OSBPL2: variants seen among roughly 807,000 people sequenced by gnomAD.
OSBPL2 encodes the protein oxysterol binding protein like 2.
In OSBPL2, 18 loss-of-function variants were observed where a neutral mutation model predicts 58.4. That is an observed-to-expected ratio of 0.31 (90% CI 0.21 to 0.46). The LOEUF (loss-of-function observed/expected upper bound fraction) is 0.46. Among genes scored for constraint, OSBPL2 ranks in the 20% least tolerant of loss-of-function variants. The pLI is 1.00. For synonymous variants in OSBPL2, 221 were observed against 234.1 expected (o/e 0.94, Z 0.51); for missense variants, 461 against 616.5 (o/e 0.75, Z 2.67).
chr20:62,280,095 C>G, intron 7 of OSBPL2: 17 of 1,304,142 alleles, frequency 1.3e-5, no homozygotes, highest in Non-Finnish European at 1.5e-5. Context: ...CGGATGCTGG[C>G]GTCCTCCTGG....
At position 62,262,548 on chromosome 20, in the gene OSBPL2, G is replaced by A. The variant is rs1189287138; in HGVS notation, c.183-1068G>A. On this transcript the variant is annotated intron_variant, in intron 3 of 13. Transcript: ENST00000313733. Reference sequence around the variant, plus strand: ...GGACGATGGCGGAGCAGAGCTGGGTGCTGGCTTCCGGCAGCCCGGGCCTGG... The same window carrying A: ...GGACGATGGCGGAGCAGAGCTGGGTACTGGCTTCCGGCAGCCCGGGCCTGG... Among the ~76,000 whole-genome samples the A allele has an allele frequency of 2.0e-5, 3 of 152,362 alleles. No individual in the cohort carries two copies. The East Asian group carries it at 5.8e-4, about 29-fold the overall frequency.
intron 9 of OSBPL2, among the ~76,000 whole-genome samples, chr20:62,283,029 C>T (rs948412767): frequency 6.6e-6 from 1 of 152,256 alleles, no homozygotes; most frequent in South Asian, 2.1e-4. Flanking sequence ...CTTGACACCT[C>T]TCCCCCTTGG....
At chr20:62,240,130 G>C (rs1979623965) in intron 1 of OSBPL2, among the ~76,000 whole-genome samples, 1 of 152,156 alleles carries the variant, frequency 6.6e-6, no homozygotes, top group Non-Finnish European at 1.5e-5. Context: ...TAGGATTCCA[G>C]GTGCGAGCCA....
intron 4 of OSBPL2, among the ~76,000 whole-genome samples, chr20:62,268,998 G>A (rs1051783185): frequency 5.9e-5 from 9 of 151,760 alleles, no homozygotes; most frequent in Admixed American, 5.3e-4. Flanking sequence ...CGGAGAGGTT[G>A]CACTGAGCCG....
In OSBPL2 at chr20:62,279,272, A is replaced by G. The variant is rs750883021; in HGVS notation, c.607A>G (p.Lys203Glu). The change falls in exon 7 of 14, where the codon AAG (lysine) becomes GAG (glutamate). Residue 203 changes from lysine (K) to glutamate (E), a missense_variant. Lys to Glu is a moderately conservative substitution (Grantham distance 56, BLOSUM62 1). This residue lies in a region of OSBPL2 where 319 missense variants were observed against 419.2 expected (regional missense o/e 0.76). Coordinates refer to ENST00000313733, the MANE Select transcript of OSBPL2 (RefSeq NM_144498.4). Reference sequence around the variant, plus strand: ...CCTGTTCCATGGCTCCATCTACCCCAAGCTCAAGTTCTGGGGCAAAAGCGT... The same window carrying G: ...CCTGTTCCATGGCTCCATCTACCCCGAGCTCAAGTTCTGGGGCAAAAGCGT... ...DFLFHGSIYP[K>E]LKFWGKSVEA... The G allele has an allele frequency of 6.2e-7, 1 of 1,614,216 alleles. No homozygotes were observed. The highest frequency in any genetic ancestry group is 8.5e-7 in the Non-Finnish European group (1 of 1,180,042).
chr20:62,242,812 G>A (rs1979819587), intron 1 of OSBPL2, among the ~76,000 whole-genome samples: 1 of 152,240 alleles, frequency 6.6e-6, no homozygotes, highest in Non-Finnish European at 1.5e-5. Flanking sequence ...AACCTTCAGG[G>A]GTGCCCAGAG....
intron 1 of OSBPL2, among the ~76,000 whole-genome samples, chr20:62,243,010 CTGATCG>C (rs1180280398): frequency 1.3e-5 from 2 of 152,190 alleles, no homozygotes; most frequent in Admixed American, 1.3e-4. Flanking sequence ...TGATCCAAGG[CTGATCG>C]TGAGAAAGAG....
At chr20:62,258,093 C>T (rs898278305) in intron 2 of OSBPL2, among the ~76,000 whole-genome samples, 1 of 152,156 alleles carries the variant, frequency 6.6e-6, no homozygotes, top group African/African-American at 2.4e-5. Context: ...CAGATGGACT[C>T]CACTGTTCTA....
At chr20:62,261,582 C>G (rs1043053683) in intron 3 of OSBPL2, among the ~76,000 whole-genome samples, 2 of 152,150 alleles carry the variant, frequency 1.3e-5, no homozygotes, top group Non-Finnish European at 2.9e-5. Flanking sequence ...TGGGAGCCCC[C>G]ACCCCCGCTC....
intron 10 of OSBPL2, chr20:62,284,992 C>T (rs1271065392): frequency 6.6e-6 from 1 of 152,192 alleles, no homozygotes; most frequent in Non-Finnish European, 1.5e-5. Context: ...CTTTGGAATA[C>T]TCATTATCTT....
At chr20:62,267,880 A>T (rs145644711) in intron 4 of OSBPL2, among the ~76,000 whole-genome samples, 1 of 51,122 alleles carries the variant, frequency 2.0e-5, no homozygotes, top group Non-Finnish European at 5.0e-5. Context: ...TGTCTGCATT[A>T]TTTTTTATTT....
At chr20:62,246,815 AT>A (rs1273673103) in intron 1 of OSBPL2, among the ~76,000 whole-genome samples, 19 of 152,120 alleles carry the variant, frequency 1.2e-4, no homozygotes, top group Admixed American at 1.2e-3. Flanking sequence ...GCTGTCCATG[AT>A]TTCATGTTCC....
At chr20:62,293,710 T>A (rs1190366225) in intron 13 of OSBPL2, 75 bp from the exon 14 acceptor site, 1 of 1,345,902 alleles carries the variant, frequency 7.4e-7, no homozygotes, top group African/African-American at 1.5e-5. Context: ...GGGAACACAC[T>A]CCTGCACCCA....
At chr20:62,259,458 G>A (rs903140731) in intron 2 of OSBPL2, among the ~76,000 whole-genome samples, 2 of 152,176 alleles carry the variant, frequency 1.3e-5, no homozygotes, top group African/African-American at 4.8e-5. Context: ...TCACATGTGT[G>A]GCATTTCCAT....
At position 62,281,145 on chromosome 20, in the gene OSBPL2, A is replaced by G. The variant is rs144869606; in HGVS notation, c.762A>G (p.Thr254=). The G allele has an allele frequency of 3.7e-6, 6 of 1,610,976 alleles. No individual in the cohort carries two copies. The highest frequency in any genetic ancestry group is 5.1e-6 in the Non-Finnish European group (6 of 1,177,350). Residue 254 remains threonine, a synonymous_variant, in exon 8 of 14, where the codon ACA becomes ACG. Coordinates refer to ENST00000313733, the MANE Select transcript of OSBPL2 (RefSeq NM_144498.4). ...AGCTGTGGATAGAGCAGTATGGGAC[A>G]GTGGAGATTTTAAACCACAGGTGAC... ...IGKLWIEQYG[T]VEILNHRTGH...
At chr20:62,261,076 G>A (rs1223515561) in intron 3 of OSBPL2, among the ~76,000 whole-genome samples, 1 of 152,072 alleles carries the variant, frequency 6.6e-6, no homozygotes, top group Admixed American at 6.5e-5. Context: ...CCAGTCCTTT[G>A]GAAGGCCGAG....
chr20:62,281,972 G>T (rs943944678), intron 9 of OSBPL2, 93 bp downstream of exon 9: 8 of 767,178 alleles, frequency 1.0e-5, no homozygotes, highest in Non-Finnish European at 1.9e-5. Flanking sequence ...GTGTGCCTAC[G>T]TGCATGAGAC....
chr20:62,277,253 CA>C (rs2145958879), intron 6 of OSBPL2, among the ~76,000 whole-genome samples: 1 of 151,736 alleles, frequency 6.6e-6, no homozygotes, highest in Non-Finnish European at 1.5e-5. Flanking sequence ...GATTCCATCT[CA>C]AAAAAAGAAA....
At chr20:62,286,296 A>G (rs1231830879) in intron 10 of OSBPL2, 2 of 270,908 alleles carry the variant, frequency 7.4e-6, no homozygotes, top group African/African-American at 4.4e-5. Flanking sequence ...TAAAAGTACA[A>G]ACAATTAGCC....
Sources: allele counts gnomAD v4.1 joint callset (sites outside exome capture counted in the v4.1 genomes callset), GRCh38; gene constraint gnomAD v4.1.1; regional missense constraint gnomAD v4.1.1; transcripts MANE v1.5; gene names NCBI Gene and HGNC (gene_info 2026-07-23, HGNC 2026-07-21).